The following REXO1 variants were observed in gnomAD, a reference collection of about 807,000 sequenced individuals.
REXO1 encodes REX1, RNA exonuclease 1 homolog.
In REXO1, 42 loss-of-function variants were observed where a neutral mutation model predicts 102.6. That is an observed-to-expected ratio of 0.41 (90% confidence interval 0.32 to 0.53). The LOEUF is 0.53. REXO1 is among the 20% of genes least tolerant of loss of function. The probability of loss-of-function intolerance (pLI) is 0.27; values close to 1 mark genes in which losing one functional copy is unlikely to be tolerated. For missense variants in REXO1, 1,819 were observed against 1,732.5 expected (o/e 1.05, Z -0.89); for synonymous variants, 908 against 779.1 (o/e 1.17, Z -2.76).
chr19:1,837,692 TCTC>T (rs554865547), intron 1 of REXO1, among the ~76,000 whole-genome samples: 29 of 152,222 alleles, frequency 1.9e-4, no homozygotes, highest in African/African-American at 7.0e-4. Context: ...CCCCCAGGGT[TCTC>T]CTCGACCCCC....
chr19:1,835,910 G>C (rs909675610), intron 1 of REXO1, among the ~76,000 whole-genome samples: 42 of 152,176 alleles, frequency 2.8e-4, no homozygotes, highest in African/African-American at 8.4e-4. Context: ...CCTTGTCCCG[G>C]CCTAGGAGAG....
intron 1 of REXO1, among the ~76,000 whole-genome samples, chr19:1,829,332 G>C (rs116870554): frequency 7.2e-4 from 110 of 151,854 alleles, no homozygotes; most frequent in Non-Finnish European, 2.1e-4. Context: ...TCTATCTCCC[G>C]AGTTCAAGCA....
At chr19:1,819,685 C>A (rs1042884818) in intron 7 of REXO1, among the ~76,000 whole-genome samples, 3 of 152,240 alleles carry the variant, frequency 2.0e-5, no homozygotes, top group African/African-American at 7.2e-5. Context: ...TAGCAGGCGG[C>A]CCCTCGGCTC....
chr19:1,841,308 G>A (rs890948606), intron 1 of REXO1, among the ~76,000 whole-genome samples: 58 of 152,348 alleles, frequency 3.8e-4, no homozygotes, highest in Middle Eastern at 3.4e-3. Context: ...AGCCACGGCC[G>A]GGCGCACCCA....
chr19:1,835,059 CA>C (rs1023572574), intron 1 of REXO1: 9 of 343,364 alleles, frequency 2.6e-5, no homozygotes, highest in Non-Finnish European at 5.0e-5. Context: ...CAGCTCAGAA[CA>C]GGGGGTACGG....
intron 1 of REXO1, among the ~76,000 whole-genome samples, chr19:1,845,591 G>C (rs958675164): frequency 6.6e-6 from 1 of 152,192 alleles, no homozygotes; most frequent in Non-Finnish European, 1.5e-5. Context: ...TTGAGTCCAG[G>C]AGGTCGAGGC....
Position 1,821,655 on chromosome 19 carries a change from G to T in REXO1, c.2258C>A (p.Ala753Glu). The T allele has an allele frequency of 6.2e-7, 1 of 1,612,916 alleles. No individual in the cohort carries two copies. Among genetic ancestry groups the T allele is most frequent in the Non-Finnish European group, 8.5e-7 (1 of 1,179,686 alleles). The change falls in exon 5 of 16, where the codon GCG becomes GAG. Residue 753 changes from alanine to glutamate, a missense_variant. By Grantham distance (107) the Ala-to-Glu change is moderately radical. Transcript: ENST00000170168. Reference protein sequence around the residue: ...AAPTGAKRTLAASGSQSSNGP... With the variant: ...AAPTGAKRTLEASGSQSSNGP... ...GTTGGAGGACTGGCTGCCGCTGGCC[G>T]CAAGGGTCCTCTTGGCACCTGTGGG... is the stretch of plus-strand genomic sequence containing the variant.
Position 1,815,871 on chromosome 19 carries a change from C to T in REXO1, c.*195G>A, listed in dbSNP as rs1317924883. The T allele has an allele frequency of 4.1e-5, 56 of 1,372,546 alleles. No individual in the cohort carries two copies. Among genetic ancestry groups the T allele is most frequent in the African/African-American group, 9.2e-5 (4 of 43,252 alleles). 85.0% of individuals were successfully genotyped at this position (1,372,546 alleles called of 1,614,324 possible). Reference sequence around the variant, plus strand: ...GGGCTGGGGGGCAGAGGGTGGGGACCGGCGGAGGGGTGCGGCAGGACGTGA... The same window carrying T: ...GGGCTGGGGGGCAGAGGGTGGGGACTGGCGGAGGGGTGCGGCAGGACGTGA... On this transcript the variant is annotated 3_prime_UTR_variant, in exon 16 of 16. Transcript: ENST00000170168. The surrounding 1 kb of genome is among the most constrained non-coding windows in gnomAD (Gnocchi z 4.0).
rs1158264610 is a variant in REXO1, at chr19:1,828,515, T to C, written c.274A>G (p.Asn92Asp). Residue 92 changes from asparagine to aspartate, a missense_variant, in exon 2 of 16, where the codon AAC becomes GAC. Asn to Asp is a conservative substitution (Grantham distance 23, BLOSUM62 1). Coordinates refer to ENST00000170168, the MANE Select transcript of REXO1 (RefSeq NM_020695.4). The stretch of plus-strand genomic sequence containing the variant: ...CTGCGCACGGCCTCGATGGCCTGGT[T>C]GACCAGCTCCAACTCCAGCACATCC... Reference protein sequence around the residue: ...RPDVLELELVNQAIEAVRSEV... With the variant: ...RPDVLELELVDQAIEAVRSEV... The C allele has an allele frequency of 6.2e-7, 1 of 1,604,870 alleles. No individual in the cohort carries two copies.
rs2069370019 is a variant in REXO1, at chr19:1,816,574, G to C, written c.3318-5C>G. On this transcript the variant is annotated splice_region_variant and splice_polypyrimidine_tract_variant and intron_variant, in intron 13 of 15. Coordinates refer to ENST00000170168, the MANE Select transcript of REXO1 (RefSeq NM_020695.4). The stretch of plus-strand genomic sequence containing the variant: ...GCCTCCGTCACCCCCGAAAACCTGG[G>C]GGAACGGGCAGGAGGGGCACCAGGG... 6.2e-7 allele frequency: 1 copy of C among 1,608,476 alleles called. No homozygotes were observed. The highest frequency in any genetic ancestry group is 8.5e-7 in the Non-Finnish European group (1 of 1,176,958).
intron 3 of REXO1, among the ~76,000 whole-genome samples, chr19:1,824,790 G>C (rs78255899): frequency 3.3e-5 from 2 of 60,790 alleles, no homozygotes; most frequent in Admixed American, 3.7e-4. Flanking sequence ...CTCATTTTAT[G>C]TATTTATCTT....
chr19:1,848,160 C>A (rs545001967), intron 1 of REXO1, 42 bp downstream of exon 1: 3 of 1,043,372 alleles, frequency 2.9e-6, no homozygotes, highest in African/African-American at 3.3e-5. Context: ...CAGACCCGGG[C>A]AGGGGAGCCG....
rs2069397199 is a variant in REXO1, at chr19:1,817,300, G to A, written c.3120C>T (p.Arg1040=). The part of the protein sequence containing the change: ...KQHVQDGRKE[R]LEGFVKTFEK... ...CAAAGGTCTTCACGAAGCCCTCAAG[G>A]CGCTCCTTCCGGCCATCCTGCACGT... The change falls in exon 12 of 16, where the codon CGC becomes CGT. Residue 1040 remains arginine (R), a synonymous_variant. Transcript: ENST00000170168. 1 of 1,613,028 alleles carries A rather than the reference G, an allele frequency of 6.2e-7. No homozygotes were observed. Among genetic ancestry groups the A allele is most frequent in the Non-Finnish European group, 8.5e-7 (1 of 1,180,008 alleles).
intron 1 of REXO1, among the ~76,000 whole-genome samples, chr19:1,833,058 C>T (rs2069948287): frequency 6.6e-6 from 1 of 151,866 alleles, no homozygotes; most frequent in Non-Finnish European, 1.5e-5. Flanking sequence ...CCCGTCTCTA[C>T]AAAAAAATAC....
At position 1,815,550 on chromosome 19, in the gene REXO1, C is replaced by G. The variant is rs1200647078; in HGVS notation, c.*516G>C. On this transcript the variant is annotated 3_prime_UTR_variant, in exon 16 of 16. Transcript: ENST00000170168. This position sits in a 1 kb window ranked among gnomAD's most constrained non-coding sequence, Gnocchi z 4.0. ...GTGTGGCCCTGGCCCCCACTGGGGT[C>G]TGTCCCACCCCCACCCCGCAGGAGG... 2.7e-5 allele frequency: 14 copies of G among 524,678 alleles called. No homozygotes were observed. The highest frequency in any genetic ancestry group is 3.6e-5 in the Non-Finnish European group (13 of 363,132). 32.5% of individuals were successfully genotyped at this position (524,678 alleles called of 1,614,324 possible). A position where few individuals can be genotyped will look rare whatever the true frequency, so the allele number is the denominator to read the frequency against.
chr19:1,846,968 T>C (rs1257452115), intron 1 of REXO1, among the ~76,000 whole-genome samples: 1 of 152,152 alleles, frequency 6.6e-6, no homozygotes, highest in Non-Finnish European at 1.5e-5. Flanking sequence ...CGTTGCCTTC[T>C]TCACCAACTC....
rs541125625 is a variant in REXO1 at position 1,815,903 on chromosome 19, G to T, written c.*163C>A. 2 of 1,532,180 alleles carry T rather than the reference G, an allele frequency of 1.3e-6. No individual in the cohort carries two copies. The highest frequency in any genetic ancestry group is 2.0e-5 in the Admixed American group (1 of 50,906). 94.9% of individuals were successfully genotyped at this position (1,532,180 alleles called of 1,614,324 possible). On this transcript the variant is annotated 3_prime_UTR_variant, in exon 16 of 16. Transcript: ENST00000170168. This position sits in a 1 kb window ranked among gnomAD's most constrained non-coding sequence, Gnocchi z 4.0. ...GGGGTGCGGCAGGACGTGAGCGGGG[G>T]TGGGCTGGGCTGGGCGTTCTCTGGC... is the stretch of plus-strand genomic sequence containing the variant.
Position 1,820,442 on chromosome 19 carries a change from C to G in REXO1, c.2395-47G>C, listed in dbSNP as rs768617486. On this transcript the variant is annotated intron_variant, in intron 5 of 15. Transcript: ENST00000170168. ...CCATGGGTGAGGGCCTCCACAAGGCCTCCAGCGGGGAACGCAGACGCGATG... is the reference window on the plus strand; with the variant it reads ...CCATGGGTGAGGGCCTCCACAAGGCGTCCAGCGGGGAACGCAGACGCGATG... The G allele has an allele frequency of 1.9e-6, 3 of 1,605,024 alleles. No homozygotes were observed. The South Asian group carries it at 3.3e-5, about 18-fold the overall frequency.
At position 1,815,776 on chromosome 19, in the gene REXO1, G is replaced by A; in HGVS notation, c.*290C>T. The A allele has an allele frequency of 1.1e-5, 16 of 1,452,290 alleles. No homozygotes were observed. Among genetic ancestry groups the A allele is most frequent in the Non-Finnish European group, 1.5e-5 (16 of 1,098,234 alleles). 90.0% of individuals were successfully genotyped at this position (1,452,290 alleles called of 1,614,324 possible). A position where few individuals can be genotyped will look rare whatever the true frequency, so the allele number is the denominator to read the frequency against. On this transcript the variant is annotated 3_prime_UTR_variant, in exon 16 of 16. Coordinates refer to ENST00000170168, the MANE Select transcript of REXO1 (RefSeq NM_020695.4). The surrounding 1 kb of genome is among the most constrained non-coding windows in gnomAD (Gnocchi z 4.0). Reference sequence around the variant, plus strand: ...GGAGGGCCTGGCAGGAGGGGCAGGAGGGGCTGCGGGCCGGGTGGGGGCGGG... The same window carrying A: ...GGAGGGCCTGGCAGGAGGGGCAGGAAGGGCTGCGGGCCGGGTGGGGGCGGG...
Sources: allele counts gnomAD v4.1 joint callset (sites outside exome capture counted in the v4.1 genomes callset), GRCh38; gene constraint gnomAD v4.1.1; non-coding constraint Gnocchi (gnomAD v3.1); transcripts MANE v1.5; gene names NCBI Gene and HGNC (gene_info 2026-07-23, HGNC 2026-07-21).